Variants in HDAC11 observed in about 807,000 individuals in gnomAD.
HDAC11 encodes histone deacetylase 11.
Under a neutral mutation model 41.1 loss-of-function variants are expected in HDAC11, and 23 were observed. The observed-to-expected ratio is 0.56, with a 90% CI of 0.40 to 0.79. The LOEUF (loss-of-function observed/expected upper bound fraction) is 0.79, where lower values mean the gene tolerates loss of function less well. HDAC11 is among the 30% of genes least tolerant of loss of function. HDAC11 has a pLI of 0.00. For missense variants in HDAC11, 402 were observed against 477.3 expected (o/e 0.84, Z 1.47); for synonymous variants, 187 against 186.6 (o/e 1.00, Z -0.02).
intron 7 of HDAC11, 55 bp downstream of exon 7, chr3:13,501,988 A>C: frequency 6.8e-7 from 1 of 1,479,964 alleles, no homozygotes; most frequent in South Asian, 1.1e-5. Flanking sequence ...CCAGTTCCAG[A>C]ATCTTCCCGG....
In HDAC11 at chr3:13,502,985, G is replaced by A; in HGVS notation, c.649+5G>A. On this transcript the variant is annotated splice_donor_5th_base_variant and intron_variant, in intron 8 of 9. Transcript: ENST00000295757. This position sits in a 1 kb window ranked among gnomAD's most constrained non-coding sequence, Gnocchi z 4.1. ...CAGGGGACCGCTTTGCCAAGCGTAA[G>A]CTGCTGCCCCTACCCTCATCTTGGG... 4 of 1,608,890 alleles carry A rather than the reference G, an allele frequency of 2.5e-6. No homozygotes were observed. The highest frequency in any genetic ancestry group is 3.4e-6 in the Non-Finnish European group (4 of 1,175,544).
intron 3 of HDAC11, among the ~76,000 whole-genome samples, chr3:13,484,790 A>C (rs1056516172): frequency 6.6e-6 from 1 of 152,240 alleles, no homozygotes; most frequent in Non-Finnish European, 1.5e-5. Flanking sequence ...TTTCCAGAGA[A>C]GGACACAGCT....
chr3:13,482,505 G>A (rs1365192115), intron 2 of HDAC11, among the ~76,000 whole-genome samples: 1 of 152,138 alleles, frequency 6.6e-6, no homozygotes. Flanking sequence ...GAGGGAGGCC[G>A]GGCGCAGTGG....
intron 3 of HDAC11, among the ~76,000 whole-genome samples, chr3:13,495,612 G>C (rs759602547): frequency 1.3e-5 from 2 of 152,122 alleles, no homozygotes; most frequent in Non-Finnish European, 2.9e-5. Context: ...GCTGCAGCTA[G>C]TGCAGCTTGG....
chr3:13,483,435 G>C (rs750019265), intron 2 of HDAC11, 29 bp from the exon 3 acceptor site: 2 of 1,598,292 alleles, frequency 1.3e-6, no homozygotes, highest in Non-Finnish European at 1.7e-6. Flanking sequence ...GGTCAGTGGG[G>C]AAGCAGGATG....
At chr3:13,486,406 G>T (rs1701576120) in intron 3 of HDAC11, among the ~76,000 whole-genome samples, 1 of 151,704 alleles carries the variant, frequency 6.6e-6, no homozygotes, top group African/African-American at 2.4e-5. Flanking sequence ...AGTCGTGGAA[G>T]ATTAAAATTA....
At chr3:13,489,367 C>A (rs1204270039) in intron 3 of HDAC11, among the ~76,000 whole-genome samples, 1 of 151,688 alleles carries the variant, frequency 6.6e-6, no homozygotes. Context: ...TATATTTAGG[C>A]CTTGATAAAT....
chr3:13,490,744 C>CT (rs59531656), intron 3 of HDAC11, among the ~76,000 whole-genome samples: 6,960 of 41,700 alleles, frequency 0.17, 1,507 homozygotes, highest in Non-Finnish European at 0.21. Flanking sequence ...GCATTTTTTT[C>CT]TTTTTTTTTT....
intron 3 of HDAC11, among the ~76,000 whole-genome samples, chr3:13,493,365 CTG>C (rs1158179016): frequency 6.6e-6 from 1 of 152,204 alleles, no homozygotes; most frequent in East Asian, 1.9e-4. Context: ...CCCACCCACT[CTG>C]TTTATTTCTC....
intron 5 of HDAC11, among the ~76,000 whole-genome samples, chr3:13,498,992 C>T (rs1702233572): frequency 6.6e-6 from 1 of 151,848 alleles, no homozygotes; most frequent in African/African-American, 2.4e-5. Flanking sequence ...TGGGTGGGCA[C>T]ATCCTGGGTC....
rs1702434492 is a variant in HDAC11 at position 13,502,846 on chromosome 3, G to A, written c.553-38G>A. 5.1e-6 allele frequency: 8 copies of A among 1,555,406 alleles called. No homozygotes were observed. Among genetic ancestry groups the A allele is most frequent in the African/African-American group, 2.7e-5 (2 of 73,694 alleles). ...TGGCAGAGCCCCAGCCTTGCCTAGG[G>A]CACCTACCCGAGAGCGGCTACTGTG... On this transcript the variant is annotated intron_variant, in intron 7 of 9. Coordinates refer to ENST00000295757, the MANE Select transcript of HDAC11 (RefSeq NM_024827.4). This position sits in a 1 kb window ranked among gnomAD's most constrained non-coding sequence, Gnocchi z 4.1.
intron 4 of HDAC11, among the ~76,000 whole-genome samples, 197 bp from the exon 5 acceptor site, chr3:13,498,316 C>T (rs1344318630): frequency 2.0e-5 from 3 of 152,314 alleles, no homozygotes; most frequent in South Asian, 2.1e-4. Flanking sequence ...ATCTCATATG[C>T]CAGCCAAGCT....
chr3:13,487,654 G>C (rs889123808), intron 3 of HDAC11, among the ~76,000 whole-genome samples: 13 of 152,156 alleles, frequency 8.5e-5, no homozygotes, highest in African/African-American at 3.1e-4. Context: ...GTTAGTGCTG[G>C]GCAGCATCTG....
At chr3:13,497,099 A>G (rs1429717183) in intron 4 of HDAC11, among the ~76,000 whole-genome samples, 1 of 152,092 alleles carries the variant, frequency 6.6e-6, no homozygotes, top group Non-Finnish European at 1.5e-5. Context: ...GCTAGTATAT[A>G]ATATACCTCT....
intron 3 of HDAC11, among the ~76,000 whole-genome samples, chr3:13,488,616 C>T (rs1223256592): frequency 1.3e-5 from 2 of 152,248 alleles, no homozygotes; most frequent in Non-Finnish European, 2.9e-5. Flanking sequence ...CATTCCTTTT[C>T]ACAGCAGAAT....
At position 13,502,681 on chromosome 3, in the gene HDAC11, C is replaced by G. The variant is rs559589755; in HGVS notation, c.553-203C>G. On this transcript the variant is annotated intron_variant, in intron 7 of 9. Coordinates refer to ENST00000295757, the MANE Select transcript of HDAC11 (RefSeq NM_024827.4). This position sits in a 1 kb window ranked among gnomAD's most constrained non-coding sequence, Gnocchi z 4.1. ...GGAACCTAAGAGCACTGGGCTTGCTCAAGCCCATGCTAGAAGGTGTCGGGG... is the reference window on the plus strand; with the variant it reads ...GGAACCTAAGAGCACTGGGCTTGCTGAAGCCCATGCTAGAAGGTGTCGGGG... 1 of 544,880 alleles carries G rather than the reference C, an allele frequency of 1.8e-6. No individual in the cohort carries two copies. The highest frequency in any genetic ancestry group is 1.9e-5 in the African/African-American group (1 of 52,574). The allele number at this position is 544,880 out of a possible 1,614,324, so 33.8% of individuals were successfully genotyped here.
chr3:13,486,244 G>T (rs1701559792), intron 3 of HDAC11, among the ~76,000 whole-genome samples: 1 of 137,228 alleles, frequency 7.3e-6, no homozygotes, highest in Non-Finnish European at 1.5e-5. Context: ...TCCAGCTTGG[G>T]CAATAAGAGT....
rs775813688 is a variant in HDAC11, at chr3:13,501,661, C to T, written c.490-210C>T. On this transcript the variant is annotated intron_variant, in intron 6 of 9. Transcript: ENST00000295757. ...GGACATGCCCCCTCCTCCAGGGAGC[C>T]TTCCCTGACCACCTCCTGCATGCAC... The T allele has an allele frequency of 7.0e-6, 5 of 712,460 alleles. No homozygotes were observed. The South Asian group carries it at 7.5e-5, about 11-fold the overall frequency. The allele number at this position is 712,460 out of a possible 1,614,324, so 44.1% of individuals were successfully genotyped here.
In HDAC11 at chr3:13,502,532, C is replaced by T. The variant is rs1258900733; in HGVS notation, c.553-352C>T. The T allele has an allele frequency of 9.1e-6, 2 of 220,884 alleles. No individual in the cohort carries two copies. The highest frequency in any genetic ancestry group is 1.8e-5 in the Non-Finnish European group (2 of 110,584). The allele number at this position is 220,884 out of a possible 1,614,324, so 13.7% of individuals were successfully genotyped here. A position where few individuals can be genotyped will look rare whatever the true frequency, so the allele number is the denominator to read the frequency against. On this transcript the variant is annotated intron_variant, in intron 7 of 9. Coordinates refer to ENST00000295757, the MANE Select transcript of HDAC11 (RefSeq NM_024827.4). This position sits in a 1 kb window ranked among gnomAD's most constrained non-coding sequence, Gnocchi z 4.1. Reference sequence around the variant, plus strand: ...GGGCCCTGCCTTGGGTTCTTGCGACCCCGAACTCCTGAGCCAGGTCACATG... The same window carrying T: ...GGGCCCTGCCTTGGGTTCTTGCGACTCCGAACTCCTGAGCCAGGTCACATG...
Sources: allele counts gnomAD v4.1 joint callset (sites outside exome capture counted in the v4.1 genomes callset), GRCh38; gene constraint gnomAD v4.1.1; non-coding constraint Gnocchi (gnomAD v3.1); transcripts MANE v1.5; gene names NCBI Gene and HGNC (gene_info 2026-07-23, HGNC 2026-07-21).